The following SESTD1 variants were observed in gnomAD, a reference collection of about 807,000 sequenced individuals.
SESTD1 encodes SEC14 and spectrin domain containing 1.
A neutral mutation model predicts 101.7 loss-of-function variants in SESTD1; 43 were observed. The observed-to-expected ratio is 0.42, with a 90% CI of 0.33 to 0.55. The LOEUF (loss-of-function observed/expected upper bound fraction) is 0.55, where lower values mean the gene tolerates loss of function less well. Among genes scored for constraint, SESTD1 ranks in the 20% least tolerant of loss-of-function variants. The pLI is 0.07. For synonymous variants in SESTD1, 283 were observed against 286.8 expected (o/e 0.99, Z 0.13); for missense variants, 647 against 815.1 (o/e 0.79, Z 2.51).
intron 1 of SESTD1, among the ~76,000 whole-genome samples, chr2:179,230,113 C>CTCTTTTTTTTTTTTT (rs2046962437): frequency 1.8e-5 from 1 of 56,404 alleles, no homozygotes; most frequent in Admixed American, 2.9e-4. Flanking sequence ...GATTGTATCT[C>CTCTTTTTTTTTTTTT]TTTTTTTTTT....
chr2:179,117,701 G>T, intron 13 of SESTD1, 88 bp from the exon 14 acceptor site: 2 of 1,070,820 alleles, frequency 1.9e-6, no homozygotes, highest in Non-Finnish European at 2.6e-6. Flanking sequence ...GTATTTTATA[G>T]TACACTAAAA....
At chr2:179,112,989 G>T in intron 16 of SESTD1, 144 bp from the exon 17 acceptor site, 3 of 1,078,026 alleles carry the variant, frequency 2.8e-6, no homozygotes, top group East Asian at 2.6e-5. Flanking sequence ...TAGATTAAAG[G>T]CATTTTCTTG....
intron 9 of SESTD1, among the ~76,000 whole-genome samples, chr2:179,142,837 A>G (rs989821613): frequency 1.3e-5 from 2 of 152,178 alleles, no homozygotes; most frequent in African/African-American, 4.8e-5. Context: ...TTCTCTCCCT[A>G]AACTTATTGA....
chr2:179,245,235 A>G (rs970004470), intron 1 of SESTD1, among the ~76,000 whole-genome samples: 1 of 151,906 alleles, frequency 6.6e-6, no homozygotes, highest in Non-Finnish European at 1.5e-5. Context: ...TAGCCAGATG[A>G]GCTGGGCACG....
chr2:179,253,598 C>A (rs1017131762), intron 1 of SESTD1, among the ~76,000 whole-genome samples: 1 of 151,972 alleles, frequency 6.6e-6, no homozygotes, highest in Non-Finnish European at 1.5e-5. Context: ...AAGTAAGGTA[C>A]AGAACACTAT....
Position 179,239,372 on chromosome 2 carries a change from G to A in SESTD1, c.-26+25127C>T, listed in dbSNP as rs139964174. Among the ~76,000 whole-genome samples, 640 of 149,942 alleles carry A rather than the reference G, an allele frequency of 4.3e-3. 1 individual carries two copies. Among genetic ancestry groups the A allele is most frequent in the Middle Eastern group, 6.9e-3 (2 of 288 alleles). On this transcript the variant is annotated intron_variant, in intron 1 of 17. Coordinates refer to ENST00000428443, the MANE Select transcript of SESTD1 (RefSeq NM_178123.5). ...TTCATATAATGACTCTCCTGGATGA[G>A]TCATCTGCAGGAAGTACAAGGTTTT... is the stretch of plus-strand genomic sequence containing the variant.
chr2:179,235,630 C>T (rs1003240227), intron 1 of SESTD1, among the ~76,000 whole-genome samples: 1 of 152,198 alleles, frequency 6.6e-6, no homozygotes. Context: ...CTCTTCTCAA[C>T]AGCACTATTG....
At chr2:179,257,803 A>G (rs1470648084) in intron 1 of SESTD1, among the ~76,000 whole-genome samples, 1 of 152,244 alleles carries the variant, frequency 6.6e-6, no homozygotes, top group Non-Finnish European at 1.5e-5. Context: ...AACCCAGGCA[A>G]TCTAAGAGAT....
At chr2:179,180,855 G>A (rs77169037) in intron 3 of SESTD1, among the ~76,000 whole-genome samples, 1,690 of 152,208 alleles carry the variant, frequency 0.011, 31 homozygotes, top group African/African-American at 0.039. Context: ...TGGCAAGTAC[G>A]GATAAAAAGC....
intron 4 of SESTD1, 117 bp downstream of exon 4, chr2:179,176,331 C>T (rs948121446): frequency 8.3e-6 from 6 of 720,510 alleles, no homozygotes; most frequent in African/African-American, 7.1e-5. Flanking sequence ...ATTTTCACAA[C>T]TCAGTCACTG....
At chr2:179,193,387 AG>A (rs2046346420) in intron 1 of SESTD1, among the ~76,000 whole-genome samples, 1 of 152,232 alleles carries the variant, frequency 6.6e-6, no homozygotes, top group Admixed American at 6.5e-5. Flanking sequence ...ACAGACTAGT[AG>A]GAAGTAGAAG....
chr2:179,228,599 CTAAG>C (rs2046926688), intron 1 of SESTD1, among the ~76,000 whole-genome samples: 1 of 152,114 alleles, frequency 6.6e-6, no homozygotes, highest in Non-Finnish European at 1.5e-5. Flanking sequence ...TACGGACACA[CTAAG>C]TAACCTACTC....
Position 179,109,612 on chromosome 2 carries a change from G to A in SESTD1, c.*287C>T. The stretch of plus-strand genomic sequence containing the variant: ...TAGCACCATTCAAAGCTTATTATCA[G>A]TTGTTTGTCTACAAACTGACAGGTC... On this transcript the variant is annotated 3_prime_UTR_variant, in exon 18 of 18. Coordinates refer to ENST00000428443, the MANE Select transcript of SESTD1 (RefSeq NM_178123.5). The A allele has an allele frequency of 2.3e-6, 1 of 443,740 alleles. No homozygotes were observed. Among genetic ancestry groups the A allele is most frequent in the East Asian group, 3.2e-5 (1 of 31,208 alleles). 27.5% of individuals were successfully genotyped at this position (443,740 alleles called of 1,614,324 possible). A position where few individuals can be genotyped will look rare whatever the true frequency, so the allele number is the denominator to read the frequency against.
chr2:179,115,647 C>G (rs1333058346), intron 15 of SESTD1, among the ~76,000 whole-genome samples: 1 of 152,050 alleles, frequency 6.6e-6, no homozygotes, highest in East Asian at 1.9e-4. Flanking sequence ...ACCTTGGAGG[C>G]TGAGGCAGGA....
intron 1 of SESTD1, among the ~76,000 whole-genome samples, chr2:179,196,265 G>A (rs183600573): frequency 5.9e-5 from 9 of 152,306 alleles, no homozygotes; most frequent in Middle Eastern, 3.4e-3. Flanking sequence ...AAAAAACGGC[G>A]CACCAGGAGA....
intron 1 of SESTD1, among the ~76,000 whole-genome samples, chr2:179,257,404 T>C (rs2105560452): frequency 6.6e-6 from 1 of 152,348 alleles, no homozygotes; most frequent in South Asian, 2.1e-4. Flanking sequence ...AATGAAGATA[T>C]ACGTAGATCA....
intron 5 of SESTD1, among the ~76,000 whole-genome samples, chr2:179,152,366 T>G (rs1159895615): frequency 6.6e-6 from 1 of 152,174 alleles, no homozygotes; most frequent in Non-Finnish European, 1.5e-5. Flanking sequence ...ATGTGCGAAA[T>G]TTTTGGAACT....
intron 1 of SESTD1, among the ~76,000 whole-genome samples, chr2:179,229,318 G>A (rs572894400): frequency 3.9e-5 from 6 of 152,090 alleles, no homozygotes; most frequent in African/African-American, 9.7e-5. Flanking sequence ...GAAAAAGGCC[G>A]AATTCTCTCT....
chr2:179,149,433 TAA>T (rs1329489823), intron 6 of SESTD1, 39 bp from the exon 7 acceptor site: 2 of 1,308,528 alleles, frequency 1.5e-6, no homozygotes, highest in Non-Finnish European at 2.1e-6. Context: ...AGAACAGTCT[TAA>T]AAATTAATAT....
Sources: gnomAD v4.1 joint callset for allele counts (sites outside exome capture counted in the v4.1 genomes callset) on GRCh38, gnomAD v4.1.1 for gene constraint, MANE v1.5 for transcripts, NCBI Gene and HGNC (gene_info 2026-07-23, HGNC 2026-07-21) for gene names.